The following OR6B3 variants were observed in gnomAD, a reference collection of about 807,000 sequenced individuals.
OR6B3 encodes the protein olfactory receptor 6B3.
For missense variants in OR6B3, 315 were observed against 427.4 expected, an observed-to-expected ratio of 0.74 and a Z score of 2.32; for synonymous variants, 148 against 187.8, an observed-to-expected ratio of 0.79 and a Z score of 1.73.
exon 2 of OR6B3, chr2:240,046,090 C>G: frequency 2.5e-6 from 4 of 1,594,002 alleles, no homozygotes; most frequent in Non-Finnish European, 3.4e-6. Context: ...TGCTTGGGAG[C>G]TGCAGGCCTA....
exon 2 of OR6B3, chr2:240,045,489 G>A: frequency 6.2e-7 from 1 of 1,614,096 alleles, no homozygotes; most frequent in Non-Finnish European, 8.5e-7. Context: ...CACCAGCTCT[G>A]CAGTGGAGAA....
upstream of OR6B3, among the ~76,000 whole-genome samples, chr2:240,047,238 C>A (rs143435930): frequency 2.6e-4 from 39 of 152,220 alleles, 1 homozygote; most frequent in Non-Finnish European, 4.4e-4. Context: ...GTTGAACGAA[C>A]CTAAAGCAAA....
chr2:240,047,799 G>A (rs547968367), upstream of OR6B3, among the ~76,000 whole-genome samples: 2 of 152,282 alleles, frequency 1.3e-5, no homozygotes, highest in Admixed American at 6.5e-5. Context: ...AGAATAAAGT[G>A]TATTGTGCAG....
chr2:240,048,237 G>A (rs1258449480), upstream of OR6B3, among the ~76,000 whole-genome samples: 1 of 152,138 alleles, frequency 6.6e-6, no homozygotes, highest in African/African-American at 2.4e-5. Context: ...CACAAAATGA[G>A]TTTAAACCAC....
exon 2 of OR6B3, chr2:240,045,370 A>C: frequency 1.2e-6 from 2 of 1,614,214 alleles, no homozygotes; most frequent in Non-Finnish European, 1.7e-6. Context: ...AAGGCTCTCC[A>C]GCAGCCGGTG....
At chr2:240,048,803 C>A (rs1698223988), upstream of OR6B3, among the ~76,000 whole-genome samples, 1 of 152,196 alleles carries the variant, frequency 6.6e-6, no homozygotes, top group Non-Finnish European at 1.5e-5. Flanking sequence ...AATCCCGGAT[C>A]TTTAAAGAAA....
At position 240,045,123 on chromosome 2, in the gene OR6B3, G is replaced by GA; in HGVS notation, c.949dup (p.Ser317PhefsTer2). The GA allele has an allele frequency of 6.2e-7, 1 of 1,610,458 alleles. No individual in the cohort carries two copies. The highest frequency in any genetic ancestry group is 8.5e-7 in the Non-Finnish European group (1 of 1,178,862). On this transcript the variant is annotated frameshift_variant, in exon 2 of 2. Transcript: ENST00000641019. LOFTEE classifies it low-confidence loss of function (END_TRUNC). ...TTGGAGATGAAGTTCCAGAAGACTA[G>GA]AAAGCCTCCCCTCTACGGCGCAGCT...
the OR6B3 span, among the ~76,000 whole-genome samples, chr2:240,053,037 C>T: frequency 9.5e-3 from 1,452 of 152,132 alleles, 9 homozygotes; most frequent in African/African-American, 0.02. This position sits in a 1 kb window ranked among gnomAD's most constrained non-coding sequence, Gnocchi z 4.1. Flanking sequence ...TCTTGACTTC[C>T]GGTGATCCGC....
chr2:240,052,974 G>A, the OR6B3 span, among the ~76,000 whole-genome samples: 1 of 152,068 alleles, frequency 6.6e-6, no homozygotes, highest in East Asian at 1.9e-4. The surrounding 1 kb of genome is among the most constrained non-coding windows in gnomAD (Gnocchi z 4.5). Context: ...TCATTTTTGT[G>A]TCTGTTTTAG....
At chr2:240,051,024 A>G (rs1698250356), upstream of OR6B3, among the ~76,000 whole-genome samples, 1 of 152,234 alleles carries the variant, frequency 6.6e-6, no homozygotes, top group Non-Finnish European at 1.5e-5. Context: ...AAACAATGGC[A>G]TAAAAATCAT....
chr2:240,045,795 G>A (rs1244828086), exon 2 of OR6B3: 1 of 1,512,766 alleles, frequency 6.6e-7, no homozygotes, highest in African/African-American at 1.4e-5. Context: ...CCCGACGAAA[G>A]AGATGCGTTT....
chr2:240,050,920 T>A (rs1698249509), upstream of OR6B3, among the ~76,000 whole-genome samples: 1 of 152,118 alleles, frequency 6.6e-6, no homozygotes, highest in Non-Finnish European at 1.5e-5. Context: ...AATATACACT[T>A]TTGTTTAGAA....
the OR6B3 span, among the ~76,000 whole-genome samples, chr2:240,052,957 GC>G: frequency 6.6e-6 from 1 of 152,046 alleles, no homozygotes; most frequent in Non-Finnish European, 1.5e-5. This position sits in a 1 kb window ranked among gnomAD's most constrained non-coding sequence, Gnocchi z 4.5. Context: ...GATTACAGGT[GC>G]CCAGCTCATT....
At chr2:240,049,278 A>G (rs1698227902), upstream of OR6B3, among the ~76,000 whole-genome samples, 1 of 121,620 alleles carries the variant, frequency 8.2e-6, no homozygotes, top group Non-Finnish European at 1.7e-5. Flanking sequence ...AGAATAAAAT[A>G]AGTTATATTT....
upstream of OR6B3, among the ~76,000 whole-genome samples, chr2:240,048,510 G>T (rs1327683849): frequency 6.6e-6 from 1 of 152,130 alleles, no homozygotes; most frequent in East Asian, 1.9e-4. Flanking sequence ...TTTGGGAGGT[G>T]CTTGTGAAGC....
At chr2:240,047,177 G>A (rs1012849697), upstream of OR6B3, 6 of 152,304 alleles carry the variant, frequency 3.9e-5, no homozygotes, top group Middle Eastern at 0.017. Context: ...TCAGAAAAAA[G>A]GCAGAGAAGA....
At chr2:240,044,689 A>G (rs1289066247), downstream of OR6B3, among the ~76,000 whole-genome samples, 1 of 152,262 alleles carries the variant, frequency 6.6e-6, no homozygotes, top group Non-Finnish European at 1.5e-5. Context: ...TTCGTTGGGT[A>G]TAAAACAGAA....
upstream of OR6B3, among the ~76,000 whole-genome samples, chr2:240,050,659 G>A (rs1698244944): frequency 2.6e-5 from 4 of 151,428 alleles, no homozygotes; most frequent in Admixed American, 6.6e-5. Context: ...GGTTGCAGTG[G>A]GCGGAGATGG....
chr2:240,050,642 A>G (rs570694555), upstream of OR6B3, among the ~76,000 whole-genome samples: 3 of 150,144 alleles, frequency 2.0e-5, no homozygotes, highest in African/African-American at 7.3e-5. Context: ...TGAACCCGGG[A>G]GACGGAGGTT....
Sources: allele counts gnomAD v4.1 joint callset (sites outside exome capture counted in the v4.1 genomes callset), GRCh38; gene constraint gnomAD v4.1.1; non-coding constraint Gnocchi (gnomAD v3.1); transcripts MANE v1.5; gene names NCBI Gene and HGNC (gene_info 2026-07-23, HGNC 2026-07-21).